The following ADAM32 variants were observed in gnomAD, a reference collection of about 807,000 sequenced individuals.
ADAM32 encodes the protein disintegrin and metalloproteinase domain-containing protein 32.
In ADAM32, 89 loss-of-function variants were observed where a neutral mutation model predicts 114.9. That is an observed-to-expected ratio of 0.77 (90% CI 0.65 to 0.92). The LOEUF is 0.92. Among genes scored for constraint, ADAM32 ranks in the 40% least tolerant of loss-of-function variants. The pLI is 0.00. For missense variants in ADAM32, 870 were observed against 932.8 expected (o/e 0.93, Z 0.88); for synonymous variants, 285 against 307.5 (o/e 0.93, Z 0.77).
intron 4 of ADAM32, 54 bp from the exon 5 acceptor site, chr8:39,149,737 A>G: frequency 2.4e-6 from 3 of 1,273,950 alleles, no homozygotes; most frequent in South Asian, 2.6e-5. Context: ...GTAGGAAATC[A>G]CTAGAAAGTT....
intron 12 of ADAM32, among the ~76,000 whole-genome samples, chr8:39,217,610 T>G (rs754296231): frequency 1.2e-4 from 19 of 152,200 alleles, no homozygotes; most frequent in Non-Finnish European, 1.9e-4. Context: ...TCAAGCTCAC[T>G]AATTCTTTCT....
intron 7 of ADAM32, among the ~76,000 whole-genome samples, chr8:39,162,240 T>A (rs574138850): frequency 2.4e-4 from 35 of 144,900 alleles, no homozygotes; most frequent in Admixed American, 2.4e-3. Context: ...AATTCCCACC[T>A]ATGAGTGAGA....
chr8:39,189,883 C>T (rs1357728258), intron 11 of ADAM32, among the ~76,000 whole-genome samples: 4 of 152,006 alleles, frequency 2.6e-5, no homozygotes, highest in East Asian at 1.9e-4. Flanking sequence ...CTGCAAGCTT[C>T]GGCTCACTGC....
At chr8:39,273,125 G>A (rs1304454438) in intron 20 of ADAM32, among the ~76,000 whole-genome samples, 3 of 151,982 alleles carry the variant, frequency 2.0e-5, no homozygotes, top group East Asian at 3.9e-4. Flanking sequence ...TTCTGGATTC[G>A]TCTTGAAGGA....
At chr8:39,226,535 GA>G (rs1201638880) in intron 14 of ADAM32, among the ~76,000 whole-genome samples, 5 of 146,528 alleles carry the variant, frequency 3.4e-5, no homozygotes, top group Admixed American at 2.0e-4. Context: ...AGAAGCAAGA[GA>G]AAAAAAAAGA....
chr8:39,259,666 T>C (rs1188667267), intron 19 of ADAM32, among the ~76,000 whole-genome samples: 3 of 152,150 alleles, frequency 2.0e-5, no homozygotes, highest in Non-Finnish European at 2.9e-5. Flanking sequence ...GTTATTTTTG[T>C]TATTATCATC....
In ADAM32 at chr8:39,274,262, G is replaced by A. The variant is rs761290522; in HGVS notation, c.2202-50G>A. The stretch of plus-strand genomic sequence containing the variant: ...GGCCTGATTTTCATTCATGAAGTTG[G>A]CAAGTTTTCTTAGTACTAACTTGAG... On this transcript the variant is annotated intron_variant, in intron 20 of 24. Coordinates refer to ENST00000379907, the MANE Select transcript of ADAM32 (RefSeq NM_145004.7). The A allele has an allele frequency of 7.0e-6, 11 of 1,576,738 alleles. No homozygotes were observed. In the Middle Eastern group the frequency reaches 5.0e-4, roughly 71 times the overall value.
chr8:39,239,285 A>T (rs1275875473), intron 16 of ADAM32, among the ~76,000 whole-genome samples: 3 of 152,166 alleles, frequency 2.0e-5, no homozygotes, highest in African/African-American at 7.2e-5. Context: ...TAAACAAAAC[A>T]ATTATCAGCT....
Position 39,187,060 on chromosome 8 carries a change from T to A in ADAM32, c.1052+15T>A. 6.3e-7 allele frequency: 1 copy of A among 1,586,502 alleles called. No homozygotes were observed. ...CCAGAAGTTGTGTAAGTTTTAACAA[T>A]TTATTTATTGCTTATGTTTATTTCA... On this transcript the variant is annotated intron_variant, in intron 11 of 24. Coordinates refer to ENST00000379907, the MANE Select transcript of ADAM32 (RefSeq NM_145004.7).
At chr8:39,133,701 C>A (rs983043132) in intron 2 of ADAM32, among the ~76,000 whole-genome samples, 1 of 152,132 alleles carries the variant, frequency 6.6e-6, no homozygotes, top group Non-Finnish European at 1.5e-5. Context: ...GCAGACTAGG[C>A]GGGCCATTTT....
intron 1 of ADAM32, among the ~76,000 whole-genome samples, chr8:39,117,249 A>G (rs959477068): frequency 1.3e-5 from 2 of 152,116 alleles, no homozygotes; most frequent in Non-Finnish European, 2.9e-5. Flanking sequence ...ACAGTTCCTG[A>G]AGTTGTATAT....
intron 24 of ADAM32, 106 bp downstream of exon 24, chr8:39,283,730 G>A: frequency 1.3e-6 from 1 of 782,916 alleles, no homozygotes; most frequent in South Asian, 2.0e-5. Context: ...AGATGAATTG[G>A]TAAAGTACTG....
chr8:39,247,143 A>C (rs1027412776), intron 17 of ADAM32, among the ~76,000 whole-genome samples: 3 of 152,198 alleles, frequency 2.0e-5, no homozygotes, highest in Non-Finnish European at 1.5e-5. Flanking sequence ...GGTAATTACA[A>C]ATAAAGTTTC....
chr8:39,107,852 T>C lies in ADAM32; in HGVS notation c.58+19T>C. On this transcript the variant is annotated intron_variant, in intron 1 of 24. Coordinates refer to ENST00000379907, the MANE Select transcript of ADAM32 (RefSeq NM_145004.7). Reference sequence around the variant, plus strand: ...AGACCCGGTGAGCCAGCCCAGACCCTGACACTAGTCCGGGCGCTCGTCACA... The same window carrying C: ...AGACCCGGTGAGCCAGCCCAGACCCCGACACTAGTCCGGGCGCTCGTCACA... 1.3e-6 allele frequency: 2 copies of C among 1,528,712 alleles called. No individual in the cohort carries two copies. Among genetic ancestry groups the C allele is most frequent in the East Asian group, 2.5e-5 (1 of 39,516 alleles). The allele number at this position is 1,528,712 out of a possible 1,614,324, so 94.7% of individuals were successfully genotyped here.
chr8:39,255,935 T>C lies in ADAM32; in HGVS notation c.2006-1252T>C, dbSNP rs115663987. 1.1e-3 allele frequency among the ~76,000 whole-genome samples: 172 copies of C among 152,206 alleles called. 1 individual carries two copies. Among genetic ancestry groups the C allele is most frequent in the African/African-American group, 4.0e-3 (167 of 41,566 alleles). ...AGAGATGAGGATCTGGTTTAATTCT[T>C]CTACATATGGCTTGCCAGTTATCCC... On this transcript the variant is annotated intron_variant, in intron 18 of 24. Transcript: ENST00000379907.
intron 22 of ADAM32, among the ~76,000 whole-genome samples, chr8:39,277,731 G>C (rs757365437): frequency 3.3e-5 from 5 of 152,258 alleles, no homozygotes; most frequent in Non-Finnish European, 7.3e-5. Flanking sequence ...GCAGGTGCAG[G>C]AGCCACAGCC....
At chr8:39,254,608 C>A in intron 18 of ADAM32, 92 bp downstream of exon 18, 1 of 884,308 alleles carries the variant, frequency 1.1e-6, no homozygotes, top group Non-Finnish European at 1.7e-6. Context: ...ACTTACAAGG[C>A]AACTGATATT....
At chr8:39,270,061 A>G (rs1013757126) in intron 19 of ADAM32, among the ~76,000 whole-genome samples, 4 of 152,212 alleles carry the variant, frequency 2.6e-5, no homozygotes, top group Non-Finnish European at 5.9e-5. Context: ...GGGGGAAACC[A>G]CTACCGTGAT....
chr8:39,254,148 C>T (rs1035902227), intron 17 of ADAM32, among the ~76,000 whole-genome samples: 1 of 151,018 alleles, frequency 6.6e-6, no homozygotes, highest in Non-Finnish European at 1.5e-5. Flanking sequence ...TTTGAAATTG[C>T]ATCGTAAATT....
Sources: gnomAD v4.1 joint callset for allele counts (sites outside exome capture counted in the v4.1 genomes callset) on GRCh38, gnomAD v4.1.1 for gene constraint, MANE v1.5 for transcripts, NCBI Gene and HGNC (gene_info 2026-07-23, HGNC 2026-07-21) for gene names.